Variants in PDE8A observed in about 807,000 individuals in gnomAD.
The protein encoded by PDE8A is high affinity cAMP-specific and IBMX-insensitive 3',5'-cyclic phosphodiesterase 8A.
PDE8A carries 59 observed loss-of-function variants against 105.0 expected under a neutral mutation model. The observed-to-expected ratio is 0.56, with a 90% CI of 0.46 to 0.70. The LOEUF is 0.70. PDE8A is among the 30% of genes least tolerant of loss of function. The pLI is 0.00. For missense variants in PDE8A, 1,014 were observed against 1,045.9 expected, an observed-to-expected ratio of 0.97 and a Z score of 0.42; for synonymous variants, 355 against 371.9, an observed-to-expected ratio of 0.95 and a Z score of 0.52.
At chr15:85,122,757 A>AC (rs1392706537) in intron 18 of PDE8A, among the ~76,000 whole-genome samples, 1 of 152,210 alleles carries the variant, frequency 6.6e-6, no homozygotes, top group Non-Finnish European at 1.5e-5. Context: ...GGGCCTCAAG[A>AC]CACCTCCATG....
upstream of PDE8A, chr15:84,980,518 G>C (rs1371983532): frequency 6.6e-6 from 1 of 152,428 alleles, no homozygotes; most frequent in African/African-American, 2.4e-5. Context: ...GACGGTCGGA[G>C]AGGACAGGAA....
At chr15:85,006,699 C>CT (rs555859065) in intron 1 of PDE8A, among the ~76,000 whole-genome samples, 134 of 147,188 alleles carry the variant, frequency 9.1e-4, no homozygotes, top group East Asian at 2.0e-3. Flanking sequence ...TGGTGAATAA[C>CT]TTTTTTTTTT....
intron 1 of PDE8A, among the ~76,000 whole-genome samples, chr15:85,030,108 C>CT (rs2080588428): frequency 6.6e-6 from 1 of 152,160 alleles, no homozygotes; most frequent in South Asian, 2.1e-4. Flanking sequence ...TTGCATTGAG[C>CT]TCCAACCTCC....
Position 85,126,840 on chromosome 15 carries a change from C to G in PDE8A, c.2253+466C>G, listed in dbSNP as rs118095094. On this transcript the variant is annotated intron_variant, in intron 20 of 21. Coordinates refer to ENST00000394553, the MANE Select transcript of PDE8A (RefSeq NM_002605.3). ...GCTAACAGGCTAAAGATAAATCTTG[C>G]AATCAGCCAGAGGAAAAGCGACACA... Among the ~76,000 whole-genome samples the G allele has an allele frequency of 4.9e-3, 739 of 152,238 alleles. 3 individuals carry two copies. Among genetic ancestry groups the G allele is most frequent in the Non-Finnish European group, 6.4e-3 (432 of 68,014 alleles).
At chr15:85,021,768 G>T (rs2080430856) in intron 1 of PDE8A, among the ~76,000 whole-genome samples, 2 of 152,154 alleles carry the variant, frequency 1.3e-5, no homozygotes, top group African/African-American at 2.4e-5. Context: ...GAAGAGTACG[G>T]AACAGTTATT....
At position 85,136,562 on chromosome 15, in the gene PDE8A, C is replaced by T. The variant is rs1243270314; in HGVS notation, c.2282C>T (p.Pro761Leu). Reference sequence around the variant, plus strand: ...GATGAAGAGAAGCAGCAGGGCTTACCTGTGGTGATGCCAGTGTTTGACAGA... The same window carrying T: ...GATGAAGAGAAGCAGCAGGGCTTACTTGTGGTGATGCCAGTGTTTGACAGA... The part of the protein sequence containing the change: ...QTDEEKQQGL[P>L]VVMPVFDRNT... Residue 761 changes from proline (P) to leucine (L), a missense_variant, in exon 21 of 22, where the codon CCT (proline) becomes CTT (leucine). Coordinates refer to ENST00000394553, the MANE Select transcript of PDE8A (RefSeq NM_002605.3). The T allele has an allele frequency of 6.2e-7, 1 of 1,613,792 alleles. No individual in the cohort carries two copies. Among genetic ancestry groups the T allele is most frequent in the Non-Finnish European group, 8.5e-7 (1 of 1,179,900 alleles).
At chr15:85,031,472 G>C (rs1285373889) in intron 1 of PDE8A, among the ~76,000 whole-genome samples, 1 of 152,076 alleles carries the variant, frequency 6.6e-6, no homozygotes, top group Admixed American at 6.6e-5. Context: ...CTGCCCTGTT[G>C]CTCCAGACCT....
intron 8 of PDE8A, among the ~76,000 whole-genome samples, chr15:85,095,842 A>G (rs2081738511): frequency 1.3e-5 from 2 of 150,372 alleles, no homozygotes; most frequent in Admixed American, 1.3e-4. Flanking sequence ...CTATTCAGAA[A>G]GGACAAGAAG....
chr15:85,011,030 C>T (rs1175046051), intron 1 of PDE8A, among the ~76,000 whole-genome samples: 3 of 152,112 alleles, frequency 2.0e-5, no homozygotes, highest in Admixed American at 1.3e-4. Flanking sequence ...TCCTTTTTCT[C>T]TCCTTTGTAT....
At chr15:85,108,891 A>G (rs759917853) in intron 11 of PDE8A, among the ~76,000 whole-genome samples, 162 bp from the exon 12 acceptor site, 5 of 152,200 alleles carry the variant, frequency 3.3e-5, no homozygotes, top group East Asian at 1.9e-4. Flanking sequence ...CTCTACCCCC[A>G]TAAAACTGGT....
At chr15:85,108,981 T>G in intron 11 of PDE8A, 72 bp from the exon 12 acceptor site, 1 of 1,080,780 alleles carries the variant, frequency 9.3e-7, no homozygotes, top group South Asian at 1.4e-5. Flanking sequence ...TAAAAAAATT[T>G]TAGATTGGTA....
intron 12 of PDE8A, among the ~76,000 whole-genome samples, chr15:85,109,734 G>A (rs1361955489): frequency 6.6e-6 from 1 of 152,186 alleles, no homozygotes; most frequent in Non-Finnish European, 1.5e-5. Context: ...TGGTTCAAAA[G>A]ACAAACTTTT....
In PDE8A at chr15:85,137,783, A is replaced by G. The variant is rs770491590; in HGVS notation, c.2384-14A>G. 56 of 1,511,864 alleles carry G rather than the reference A, an allele frequency of 3.7e-5. No homozygotes were observed. The highest frequency in any genetic ancestry group is 1.7e-4 in the Middle Eastern group (1 of 5,898). 93.7% of individuals were successfully genotyped at this position (1,511,864 alleles called of 1,614,324 possible). A position where few individuals can be genotyped will look rare whatever the true frequency, so the allele number is the denominator to read the frequency against. On this transcript the variant is annotated splice_polypyrimidine_tract_variant and intron_variant, in intron 21 of 21. Coordinates refer to ENST00000394553, the MANE Select transcript of PDE8A (RefSeq NM_002605.3). Reference sequence around the variant, plus strand: ...GGCTGTGAAAGCATATCACATTCCTATCTTTCTCTCCAGCCTTTGTAGACC... The same window carrying G: ...GGCTGTGAAAGCATATCACATTCCTGTCTTTCTCTCCAGCCTTTGTAGACC...
intron 8 of PDE8A, among the ~76,000 whole-genome samples, chr15:85,092,862 C>T (rs2081668499): frequency 6.6e-6 from 1 of 151,938 alleles, no homozygotes; most frequent in Non-Finnish European, 1.5e-5. Flanking sequence ...TAAAATTATA[C>T]TTATTGTGAG....
intron 1 of PDE8A, among the ~76,000 whole-genome samples, chr15:85,046,127 G>T (rs1206161287): frequency 1.4e-5 from 2 of 147,816 alleles, no homozygotes; most frequent in Non-Finnish European, 3.0e-5. Flanking sequence ...GAGTACAGTG[G>T]CTCTGTCTCA....
intron 3 of PDE8A, among the ~76,000 whole-genome samples, chr15:85,070,792 A>C (rs1432620601): frequency 6.6e-6 from 1 of 152,196 alleles, no homozygotes; most frequent in Non-Finnish European, 1.5e-5. Context: ...TGAAACACTG[A>C]TAGATTCTGC....
chr15:84,997,456 A>G (rs1378604786), intron 1 of PDE8A, among the ~76,000 whole-genome samples: 1 of 152,190 alleles, frequency 6.6e-6, no homozygotes, highest in Non-Finnish European at 1.5e-5. Context: ...TTGGCCTCCC[A>G]AAGTGCTGGG....
chr15:84,986,135 G>A (rs1596406533), intron 1 of PDE8A, among the ~76,000 whole-genome samples: 2 of 152,304 alleles, frequency 1.3e-5, no homozygotes, highest in East Asian at 3.9e-4. Flanking sequence ...GCTGAGGTGG[G>A]AGGATCACCT....
At chr15:84,982,413 C>T (rs939690717) in intron 1 of PDE8A, 65 bp downstream of exon 1, 1 of 1,119,064 alleles carries the variant, frequency 8.9e-7, no homozygotes, top group Non-Finnish European at 1.2e-6. Context: ...GCAACTTTCC[C>T]GCAGGGGCCG....
Sources: gnomAD v4.1 joint callset for allele counts (sites outside exome capture counted in the v4.1 genomes callset) on GRCh38, gnomAD v4.1.1 for gene constraint, MANE v1.5 for transcripts, NCBI Gene and HGNC (gene_info 2026-07-23, HGNC 2026-07-21) for gene names.